CDC37L1: variants seen among roughly 807,000 people sequenced by gnomAD.
CDC37L1 encodes hsp90 co-chaperone Cdc37-like 1.
A neutral mutation model predicts 45.9 loss-of-function variants in CDC37L1; 32 were observed. The ratio of observed to expected loss-of-function variants is 0.70; its 90% CI spans 0.53 to 0.94. CDC37L1 has a LOEUF of 0.94. CDC37L1 is among the 40% of genes least tolerant of loss of function. The pLI is 0.00. For synonymous variants in CDC37L1, 150 were observed against 133.0 expected (o/e 1.13, Z -0.88); for missense variants, 434 against 405.7 (o/e 1.07, Z -0.60).
intron 6 of CDC37L1, among the ~76,000 whole-genome samples, chr9:4,702,709 G>T (rs1283337425): frequency 6.6e-6 from 1 of 150,752 alleles, no homozygotes; most frequent in Non-Finnish European, 1.5e-5. Context: ...GTGAAACCCC[G>T]TCTCTTCTAA....
intron 2 of CDC37L1, among the ~76,000 whole-genome samples, chr9:4,687,449 T>C (rs1388746785): frequency 6.6e-6 from 1 of 151,856 alleles, no homozygotes; most frequent in Admixed American, 6.6e-5. Context: ...AAGGCCAAGG[T>C]GAAGGGATTG....
At chr9:4,705,286 G>T (rs188660051) in intron 6 of CDC37L1, among the ~76,000 whole-genome samples, 1 of 152,122 alleles carries the variant, frequency 6.6e-6, no homozygotes, top group Non-Finnish European at 1.5e-5. Context: ...AATTGGGGAA[G>T]AATTTTCTAA....
chr9:4,689,449 G>A (rs746349843), intron 3 of CDC37L1, among the ~76,000 whole-genome samples: 5 of 151,448 alleles, frequency 3.3e-5, no homozygotes, highest in African/African-American at 7.3e-5. Context: ...TTTACCCAAC[G>A]TTTTTTGAAT....
intron 1 of CDC37L1, among the ~76,000 whole-genome samples, chr9:4,680,686 T>A (rs999596114): frequency 1.3e-5 from 2 of 152,194 alleles, no homozygotes; most frequent in Non-Finnish European, 2.9e-5. Flanking sequence ...CTTGTCCTGT[T>A]TTTTTCTCCG....
intron 6 of CDC37L1, chr9:4,703,053 C>CT (rs1350643746): frequency 1.3e-6 from 2 of 1,536,842 alleles, no homozygotes; most frequent in Non-Finnish European, 8.8e-7. Context: ...ACTAGTAGCA[C>CT]TTTAATAGAG....
chr9:4,682,159 CTCTT>C lies in CDC37L1; in HGVS notation c.132+2262_132+2265del, dbSNP rs1303820089. On this transcript the variant is annotated intron_variant, in intron 1 of 6. Transcript: ENST00000381854. ...TACTTTTCTTGATATATTATCCTTTCTCTTTTTTTTTTTTTTTTTTTGAGGCAGT... is the reference window on the plus strand; with the variant it reads ...TACTTTTCTTGATATATTATCCTTTCTTTTTTTTTTTTTTTTTGAGGCAGT... Among the ~76,000 whole-genome samples the C allele has an allele frequency of 9.1e-4, 44 of 48,460 alleles. 1 individual carries two copies. The highest frequency in any genetic ancestry group is 6.5e-3 in the African/African-American group (39 of 6,018). 31.8% of individuals were successfully genotyped at this position (48,460 alleles called of 152,430 possible).
intron 3 of CDC37L1, among the ~76,000 whole-genome samples, chr9:4,689,855 A>G (rs555285704): frequency 6.6e-6 from 1 of 152,346 alleles, no homozygotes; most frequent in African/African-American, 2.4e-5. Context: ...GAAAAATAGT[A>G]CCATATACTG....
intron 5 of CDC37L1, among the ~76,000 whole-genome samples, chr9:4,700,853 A>C (rs1264603882): frequency 6.6e-6 from 1 of 152,152 alleles, no homozygotes; most frequent in Non-Finnish European, 1.5e-5. Flanking sequence ...ATCTGTCATC[A>C]CTCTATATCT....
intron 6 of CDC37L1, among the ~76,000 whole-genome samples, chr9:4,702,491 CA>C (rs1841407776): frequency 6.6e-6 from 1 of 152,132 alleles, no homozygotes; most frequent in African/African-American, 2.4e-5. Flanking sequence ...CCAGATATAA[CA>C]TTTTTAGAAC....
At chr9:4,702,993 AG>A in intron 6 of CDC37L1, 1 of 1,292,900 alleles carries the variant, frequency 7.7e-7, no homozygotes, top group East Asian at 2.8e-5. Flanking sequence ...GATGCTAGTT[AG>A]GATTACAAGT....
At chr9:4,696,407 G>A (rs1197903628) in intron 3 of CDC37L1, among the ~76,000 whole-genome samples, 5 of 152,080 alleles carry the variant, frequency 3.3e-5, no homozygotes, top group African/African-American at 1.2e-4. Flanking sequence ...ACTTTGGGAG[G>A]CCTAGCCAGG....
At chr9:4,694,691 T>C (rs372488958) in intron 3 of CDC37L1, among the ~76,000 whole-genome samples, 4 of 151,972 alleles carry the variant, frequency 2.6e-5, no homozygotes, top group African/African-American at 9.7e-5. Flanking sequence ...ATCAACATGG[T>C]GAAACCTTGT....
intron 2 of CDC37L1, among the ~76,000 whole-genome samples, chr9:4,687,697 AAAAAG>A (rs1185349623): frequency 6.6e-6 from 1 of 151,016 alleles, no homozygotes; most frequent in African/African-American, 2.4e-5. Context: ...AAAAAAAAAA[AAAAAG>A]ACACGCAACA....
rs1841438756 is a variant in CDC37L1, at chr9:4,706,056, T to C, written c.958T>C (p.Leu320=). Residue 320 remains leucine, a synonymous_variant, in exon 7 of 7, where the codon TTA becomes CTA. Transcript: ENST00000381854. The part of the protein sequence containing the change: ...QYSISTALCS[L]NSVVHKEDDE... ...TTCTATCAGTACAGCTCTCTGCAGC[T>C]TAAACTCGGTGGTACATAAAGAAGA... 6 of 1,606,884 alleles carry C rather than the reference T, an allele frequency of 3.7e-6. No individual in the cohort carries two copies. The South Asian group carries it at 5.5e-5, about 15-fold the overall frequency.
Position 4,679,818 on chromosome 9 carries a change from G to C in CDC37L1, c.51G>C (p.Glu17Asp). 6.2e-7 allele frequency: 1 copy of C among 1,613,926 alleles called. No individual in the cohort carries two copies. Among genetic ancestry groups the C allele is most frequent in the Admixed American group, 1.7e-5 (1 of 60,030 alleles). Residue 17 changes from glutamate to aspartate, a missense_variant, in exon 1 of 7, where the codon GAG (glutamate) becomes GAC (aspartate). Physicochemically the swap from Glu to Asp is conservative, Grantham distance 45 (BLOSUM62 2). Transcript: ENST00000381854. ...GACCCTGGAGCCTCCCTCGGGCCGAGGGTGAGGCTGAGGAAGAGAGTGACT... is the reference window on the plus strand; with the variant it reads ...GACCCTGGAGCCTCCCTCGGGCCGACGGTGAGGCTGAGGAAGAGAGTGACT... ...PPGPWSLPRA[E>D]GEAEEESDFD...
rs778449245 is a variant in CDC37L1 at position 4,679,714 on chromosome 9, T to C, written c.-54T>C. The C allele has an allele frequency of 1.1e-5, 17 of 1,547,542 alleles. No individual in the cohort carries two copies. The highest frequency in any genetic ancestry group is 1.5e-5 in the Non-Finnish European group (17 of 1,138,558). On this transcript the variant is annotated 5_prime_UTR_variant, in exon 1 of 7. Transcript: ENST00000381854. ...CAGGTTCCATTCACGCCAAGTCTGT[T>C]GGCAGTGGCAGTTGTAGGGCCAAGG...
At chr9:4,683,020 ATATAT>A (rs973320030) in intron 1 of CDC37L1, among the ~76,000 whole-genome samples, 4 of 142,702 alleles carry the variant, frequency 2.8e-5, no homozygotes, top group African/African-American at 7.7e-5. Context: ...TATATTAAAT[ATATAT>A]TATATTTATA....
At chr9:4,680,001 C>T in intron 1 of CDC37L1, 102 bp downstream of exon 1, 2 of 1,437,554 alleles carry the variant, frequency 1.4e-6, no homozygotes, top group Non-Finnish European at 9.4e-7. Flanking sequence ...TTTTCTACGC[C>T]CACCTCACTG....
chr9:4,680,270 T>C (rs916761499), intron 1 of CDC37L1, among the ~76,000 whole-genome samples: 4 of 152,334 alleles, frequency 2.6e-5, no homozygotes, highest in African/African-American at 4.8e-5. Flanking sequence ...AAGCACTTTA[T>C]TCTGTTAAAG....
Sources: allele counts gnomAD v4.1 joint callset (sites outside exome capture counted in the v4.1 genomes callset), GRCh38; gene constraint gnomAD v4.1.1; transcripts MANE v1.5; gene names NCBI Gene and HGNC (gene_info 2026-07-23, HGNC 2026-07-21).